Variants in SLC39A14 observed in about 807,000 individuals in gnomAD.
SLC39A14 encodes the protein solute carrier family 39 member 14.
A neutral mutation model predicts 45.5 loss-of-function variants in SLC39A14; 19 were observed. The ratio of observed to expected loss-of-function variants is 0.42; its 90% CI spans 0.29 to 0.61. The LOEUF is 0.61. Among genes scored for constraint, SLC39A14 ranks in the 20% least tolerant of loss-of-function variants. The probability of loss-of-function intolerance (pLI) is 0.22; values close to 1 mark genes in which losing one functional copy is unlikely to be tolerated. For missense variants in SLC39A14, 447 were observed against 616.5 expected (o/e 0.73, Z 2.91); for synonymous variants, 264 against 251.3 (o/e 1.05, Z -0.48).
downstream of SLC39A14, among the ~76,000 whole-genome samples, chr8:22,424,151 G>A (rs1393133880): frequency 6.6e-6 from 1 of 151,968 alleles, no homozygotes; most frequent in Non-Finnish European, 1.5e-5. Flanking sequence ...GAAGAATTGT[G>A]GTGTTTCCAA....
chr8:22,373,295 A>G (rs959852366), intron 1 of SLC39A14, among the ~76,000 whole-genome samples: 1 of 151,992 alleles, frequency 6.6e-6, no homozygotes, highest in East Asian at 1.9e-4. Context: ...AAAAATAACT[A>G]TATTTTCCAA....
At chr8:22,371,359 G>C (rs978064333) in intron 1 of SLC39A14, among the ~76,000 whole-genome samples, 15 of 145,358 alleles carry the variant, frequency 1.0e-4, no homozygotes, top group African/African-American at 3.5e-4. Context: ...TTCAGTATTA[G>C]TAGTTAATAA....
At chr8:22,388,863 A>T (rs1586669692) in intron 1 of SLC39A14, among the ~76,000 whole-genome samples, 1 of 115,756 alleles carries the variant, frequency 8.6e-6, no homozygotes, top group African/African-American at 4.2e-5. Context: ...ATTTGGAAAT[A>T]TGGGCTTTTC....
intron 6 of SLC39A14, 27 bp downstream of exon 6, chr8:22,415,984 G>C (rs1271489463): frequency 6.2e-7 from 1 of 1,600,238 alleles, no homozygotes. Context: ...CTGCTTGGTG[G>C]AGCCTCTAAG....
downstream of SLC39A14, chr8:22,422,740 A>G: frequency 1.0e-6 from 1 of 984,350 alleles, no homozygotes; most frequent in Non-Finnish European, 1.2e-6. Context: ...TGTTGAACAC[A>G]AGGTGGCGAT....
intron 1 of SLC39A14, among the ~76,000 whole-genome samples, chr8:22,382,285 A>G (rs1342333944): frequency 6.6e-6 from 1 of 152,244 alleles, no homozygotes; most frequent in Non-Finnish European, 1.5e-5. Flanking sequence ...TTTTTAACCT[A>G]TCAAATTATA....
In SLC39A14 at chr8:22,404,707, C is replaced by T; in HGVS notation, c.-4C>T. Reference sequence around the variant, plus strand: ...TTTTTCTCTCACAGGTTTATTCAGTCACCATGAAGCTGCTGCTGCTGCACC... The same window carrying T: ...TTTTTCTCTCACAGGTTTATTCAGTTACCATGAAGCTGCTGCTGCTGCACC... On this transcript the variant is annotated 5_prime_UTR_variant, in exon 2 of 9. Coordinates refer to ENST00000381237, the MANE Select transcript of SLC39A14 (RefSeq NM_001128431.4). 1 of 1,592,260 alleles carries T rather than the reference C, an allele frequency of 6.3e-7. No homozygotes were observed. The highest frequency in any genetic ancestry group is 8.5e-7 in the Non-Finnish European group (1 of 1,177,024).
chr8:22,403,102 G>T (rs58480050), intron 1 of SLC39A14, among the ~76,000 whole-genome samples: 16 of 151,886 alleles, frequency 1.1e-4, no homozygotes, highest in Middle Eastern at 3.4e-3. Context: ...TTAGCCTCCC[G>T]AGTAGCTGGG....
intron 1 of SLC39A14, among the ~76,000 whole-genome samples, chr8:22,373,742 G>A (rs1218727789): frequency 6.6e-6 from 1 of 151,546 alleles, no homozygotes; most frequent in African/African-American, 2.4e-5. Context: ...TTATTCTTCA[G>A]GGTTTTTTGT....
Position 22,420,227 on chromosome 8 carries a change from A to G in SLC39A14, c.*529A>G. On this transcript the variant is annotated 3_prime_UTR_variant, in exon 9 of 9. Transcript: ENST00000381237. ...TGTTTAATTGCCTATTACTTCTCTC[A>G]AAGAGAACCTGAAGTCAGAACACAT... 3.0e-6 allele frequency: 3 copies of G among 985,782 alleles called. No homozygotes were observed. The highest frequency in any genetic ancestry group is 3.6e-6 in the Non-Finnish European group (3 of 830,210). The allele number at this position is 985,782 out of a possible 1,614,324, so 61.1% of individuals were successfully genotyped here.
At chr8:22,385,061 C>CA (rs111758196) in intron 1 of SLC39A14, among the ~76,000 whole-genome samples, 4,550 of 151,946 alleles carry the variant, frequency 0.03, 214 homozygotes, top group African/African-American at 0.1. Context: ...AAAAAAAACA[C>CA]AAAAAAACAA....
At chr8:22,371,218 G>A (rs1055934035) in intron 1 of SLC39A14, among the ~76,000 whole-genome samples, 1 of 151,956 alleles carries the variant, frequency 6.6e-6, no homozygotes, top group Admixed American at 6.6e-5. Flanking sequence ...ACTGGAGATC[G>A]GACTGTTGTT....
chr8:22,408,563 C>G (rs1835368654), intron 3 of SLC39A14, 67 bp downstream of exon 3: 2 of 1,433,192 alleles, frequency 1.4e-6, no homozygotes, highest in Middle Eastern at 2.5e-4. Flanking sequence ...GACCCCTGGG[C>G]TGAGCTGCTG....
intron 2 of SLC39A14, among the ~76,000 whole-genome samples, chr8:22,405,556 G>GC: frequency 6.6e-6 from 1 of 152,244 alleles, no homozygotes; most frequent in African/African-American, 2.4e-5. Flanking sequence ...GGGGTTCTCA[G>GC]CCCCCCAGAA....
At chr8:22,396,844 G>C (rs952001829) in intron 1 of SLC39A14, among the ~76,000 whole-genome samples, 5 of 151,952 alleles carry the variant, frequency 3.3e-5, no homozygotes, top group African/African-American at 1.2e-4. Context: ...GGTTTGTCAG[G>C]GTTGGGCCAG....
intron 1 of SLC39A14, among the ~76,000 whole-genome samples, chr8:22,399,744 C>A (rs1358086657): frequency 6.6e-6 from 1 of 152,272 alleles, no homozygotes; most frequent in Non-Finnish European, 1.5e-5. Flanking sequence ...ACCTGAGGGG[C>A]CGAGGGGCCG....
At chr8:22,426,891 G>A (rs181218088), downstream of SLC39A14, among the ~76,000 whole-genome samples, 2 of 151,966 alleles carry the variant, frequency 1.3e-5, no homozygotes, top group Non-Finnish European at 2.9e-5. Flanking sequence ...CGCCATATTG[G>A]CCAGGCTGGT....
chr8:22,398,006 A>ATT, intron 1 of SLC39A14, among the ~76,000 whole-genome samples: 1 of 152,048 alleles, frequency 6.6e-6, no homozygotes, highest in East Asian at 1.9e-4. Context: ...GTCCCTGAGG[A>ATT]ATATGTGAGA....
Position 22,408,499 on chromosome 8 carries a change from G to T in SLC39A14, c.457+3G>T. On this transcript the variant is annotated splice_donor_region_variant and intron_variant, in intron 3 of 8. Transcript: ENST00000381237. ...GGGGCGGCCAAGCGCTGTTGAAGGT[G>T]AGCCAGGCCAGGAAGGCAGGAGCCC... 6.2e-7 allele frequency: 1 copy of T among 1,610,556 alleles called. No homozygotes were observed.
Sources: gnomAD v4.1 joint callset for allele counts (sites outside exome capture counted in the v4.1 genomes callset) on GRCh38, gnomAD v4.1.1 for gene constraint, MANE v1.5 for transcripts, NCBI Gene and HGNC (gene_info 2026-07-23, HGNC 2026-07-21) for gene names.